Variants in AKAP6 observed in about 807,000 individuals in gnomAD.
The protein encoded by AKAP6 is A-kinase anchoring protein 6.
Under a neutral mutation model 188.5 loss-of-function variants are expected in AKAP6, and 58 were observed. The observed-to-expected ratio is 0.31, with a 90% CI of 0.25 to 0.38. The LOEUF is 0.38. AKAP6 is among the 10% of genes least tolerant of loss of function. AKAP6 has a pLI of 1.00. For missense variants in AKAP6, 2,710 were observed against 2,740.0 expected (o/e 0.99, Z 0.24); for synonymous variants, 989 against 998.6 (o/e 0.99, Z 0.18).
chr14:32,374,474 T>G (rs777533967), intron 1 of AKAP6, among the ~76,000 whole-genome samples: 3 of 152,120 alleles, frequency 2.0e-5, no homozygotes, highest in Non-Finnish European at 2.9e-5. Flanking sequence ...CTATAAGGCA[T>G]TAAGGGGATG....
rs576027294 is a variant in AKAP6, at chr14:32,512,708, AGGGCTT to A, written c.325-22844_325-22839del. ...AACTTTAGTCTTGCTTTGTATGTCT[AGGGCTT>A]GCTGAAGAGTAGTTATAATACGGAC... On this transcript the variant is annotated intron_variant, in intron 2 of 13. Coordinates refer to ENST00000280979, the MANE Select transcript of AKAP6 (RefSeq NM_004274.5). Among the ~76,000 whole-genome samples, 8 of 152,314 alleles carry A rather than the reference AGGGCTT, an allele frequency of 5.3e-5. No homozygotes were observed. In the South Asian group the frequency reaches 1.7e-3, roughly 32 times the overall value.
intron 4 of AKAP6, among the ~76,000 whole-genome samples, chr14:32,548,778 G>A (rs1435211381): frequency 6.6e-6 from 1 of 152,202 alleles, no homozygotes; most frequent in African/African-American, 2.4e-5. Flanking sequence ...TCCCTGAAAG[G>A]GGTTGTAGTT....
chr14:32,396,293 C>T (rs939229923), intron 1 of AKAP6, among the ~76,000 whole-genome samples: 1 of 152,136 alleles, frequency 6.6e-6, no homozygotes, highest in African/African-American at 2.4e-5. Context: ...CTTTCACTGC[C>T]ATGTCAAGAG....
At chr14:32,700,262 C>T (rs1286409494) in intron 9 of AKAP6, among the ~76,000 whole-genome samples, 4 of 152,144 alleles carry the variant, frequency 2.6e-5, no homozygotes. Context: ...ACTGCCAGTT[C>T]GCTGCTACCT....
chr14:32,372,832 G>A (rs1247710019), intron 1 of AKAP6, among the ~76,000 whole-genome samples: 1 of 151,820 alleles, frequency 6.6e-6, no homozygotes, highest in Non-Finnish European at 1.5e-5. Flanking sequence ...GTGTCTGAGA[G>A]AGAGAGGAGA....
At chr14:32,726,120 C>G (rs535678336) in intron 9 of AKAP6, 1 of 916,918 alleles carries the variant, frequency 1.1e-6, no homozygotes, top group East Asian at 1.2e-4. Context: ...AGTTCCCACA[C>G]TAGAAAATAG....
intron 7 of AKAP6, among the ~76,000 whole-genome samples, chr14:32,630,469 T>C (rs1594796463): frequency 1.3e-5 from 2 of 152,076 alleles, no homozygotes; most frequent in East Asian, 1.9e-4. Flanking sequence ...GGTATCAGCA[T>C]TGATTTTATT....
chr14:32,580,644 C>T (rs1413517411), intron 5 of AKAP6, among the ~76,000 whole-genome samples: 1 of 152,114 alleles, frequency 6.6e-6, no homozygotes, highest in Non-Finnish European at 1.5e-5. Flanking sequence ...TGCTGGCATG[C>T]TGCACCCATT....
At chr14:32,493,227 G>A (rs1880129496) in intron 2 of AKAP6, among the ~76,000 whole-genome samples, 1 of 151,944 alleles carries the variant, frequency 6.6e-6, no homozygotes, top group Non-Finnish European at 1.5e-5. Flanking sequence ...TGTTTTTTGA[G>A]ACAGGGTCTC....
chr14:32,639,740 A>C (rs1310198081), intron 7 of AKAP6, among the ~76,000 whole-genome samples: 1 of 152,194 alleles, frequency 6.6e-6, no homozygotes, highest in East Asian at 1.9e-4. Flanking sequence ...GTGTTCACCA[A>C]GGAAGCAAAA....
At chr14:32,402,284 A>G (rs1199858013) in intron 1 of AKAP6, 1 of 152,206 alleles carries the variant, frequency 6.6e-6, no homozygotes, top group Non-Finnish European at 1.5e-5. Flanking sequence ...TAGCTGGGCT[A>G]AGGTGAACAA....
intron 5 of AKAP6, among the ~76,000 whole-genome samples, chr14:32,583,679 G>A (rs1268388367): frequency 6.6e-6 from 1 of 152,234 alleles, no homozygotes; most frequent in Non-Finnish European, 1.5e-5. Flanking sequence ...CTGGGCAATG[G>A]CGGGTGCCCC....
intron 1 of AKAP6, among the ~76,000 whole-genome samples, chr14:32,344,683 A>C (rs1175417097): frequency 6.6e-6 from 1 of 152,166 alleles, no homozygotes; most frequent in Non-Finnish European, 1.5e-5. Flanking sequence ...TGGGAGGCCG[A>C]GGCAGTCAGA....
chr14:32,612,211 G>T (rs559898847), intron 7 of AKAP6, among the ~76,000 whole-genome samples: 2 of 152,010 alleles, frequency 1.3e-5, no homozygotes, highest in Non-Finnish European at 2.9e-5. Context: ...GTTTCATCGT[G>T]GTTTTGAATT....
At chr14:32,767,121 T>C (rs2032743542) in intron 11 of AKAP6, among the ~76,000 whole-genome samples, 1 of 152,172 alleles carries the variant, frequency 6.6e-6, no homozygotes, top group Non-Finnish European at 1.5e-5. Flanking sequence ...TATTGAAAGG[T>C]ATCTTATATT....
chr14:32,790,037 T>A (rs2033560537), intron 12 of AKAP6, among the ~76,000 whole-genome samples: 1 of 152,184 alleles, frequency 6.6e-6, no homozygotes, highest in African/African-American at 2.4e-5. Flanking sequence ...ACTGACCTAA[T>A]GGAGCTGAAA....
chr14:32,821,436 A>G lies in AKAP6; in HGVS notation c.3623A>G (p.Asp1208Gly), dbSNP rs200476939. 1 of 1,612,648 alleles carries G rather than the reference A, an allele frequency of 6.2e-7. No homozygotes were observed. The highest frequency in any genetic ancestry group is 1.7e-5 in the Admixed American group (1 of 59,890). Residue 1208 changes from aspartate (D) to glycine (G), a missense_variant, in exon 13 of 14, where the codon GAC becomes GGC. By Grantham distance (94) the Asp-to-Gly change is moderately conservative. This residue lies in a region of AKAP6 where 2,473 missense variants were observed against 2,426.1 expected (regional missense o/e 1.02). Transcript: ENST00000280979. ...TLNVIDPGLM[D>G]LNGMSEDALE... is the part of the protein sequence containing the mutation. Reference sequence around the variant, plus strand: ...AATGTGATTGATCCTGGCTTGATGGACCTAAATGGGATGAGTGAGGATGCC... The same window carrying G: ...AATGTGATTGATCCTGGCTTGATGGGCCTAAATGGGATGAGTGAGGATGCC...
chr14:32,353,092 G>A (rs760221489), intron 1 of AKAP6, among the ~76,000 whole-genome samples: 1 of 151,772 alleles, frequency 6.6e-6, no homozygotes, highest in East Asian at 1.9e-4. Flanking sequence ...ATTCTAGTTG[G>A]GGTGCCAACC....
chr14:32,814,577 G>A (rs934389842), intron 12 of AKAP6, among the ~76,000 whole-genome samples: 2 of 152,156 alleles, frequency 1.3e-5, no homozygotes, highest in Non-Finnish European at 2.9e-5. Flanking sequence ...CTGAGAGTTT[G>A]CACCAGTTGA....
Sources: allele counts gnomAD v4.1 joint callset (sites outside exome capture counted in the v4.1 genomes callset), GRCh38; gene constraint gnomAD v4.1.1; regional missense constraint gnomAD v4.1.1; transcripts MANE v1.5; gene names NCBI Gene and HGNC (gene_info 2026-07-23, HGNC 2026-07-21).